ZNF777: variants seen among roughly 807,000 people sequenced by gnomAD.
ZNF777 encodes zinc finger protein 777.
ZNF777 carries 7 observed loss-of-function variants against 72.1 expected under a neutral mutation model. The observed-to-expected ratio is 0.10, with a 90% CI of 0.06 to 0.18. The LOEUF (loss-of-function observed/expected upper bound fraction) is 0.18, where lower values mean the gene tolerates loss of function less well. ZNF777 is among the 10% of genes least tolerant of loss of function. ZNF777 has a pLI of 1.00. For synonymous variants in ZNF777, 545 were observed against 483.5 expected, an observed-to-expected ratio of 1.13 and a Z score of -1.67; for missense variants, 828 against 1,128.6, an observed-to-expected ratio of 0.73 and a Z score of 3.82.
At chr7:149,440,787 G>A (rs901637394) in intron 4 of ZNF777, among the ~76,000 whole-genome samples, 1 of 151,308 alleles carries the variant, frequency 6.6e-6, no homozygotes, top group Non-Finnish European at 1.5e-5. Flanking sequence ...GATGGACTAA[G>A]GACTGGAAAT....
intron 1 of ZNF777, among the ~76,000 whole-genome samples, chr7:149,458,032 C>T (rs1799866317): frequency 6.6e-6 from 1 of 152,086 alleles, no homozygotes; most frequent in Non-Finnish European, 1.5e-5. Context: ...AATCCCGAGG[C>T]CTGGATATTA....
At position 149,452,710 on chromosome 7, in the gene ZNF777, T is replaced by C. The variant is rs142304630; in HGVS notation, c.973+1401A>G. Among the ~76,000 whole-genome samples, 100 of 151,434 alleles carry C rather than the reference T, an allele frequency of 6.6e-4. 1 individual carries two copies. Among genetic ancestry groups the C allele is most frequent in the African/African-American group, 2.3e-3 (95 of 41,242 alleles). ...CTATAAAAAAGGCTAATATTTAAAA[T>C]AGAAGAACATCAGCTCAGGCCAGGG... On this transcript the variant is annotated intron_variant, in intron 3 of 5. Coordinates refer to ENST00000247930, the MANE Select transcript of ZNF777 (RefSeq NM_015694.3).
At chr7:149,443,183 C>T (rs538259656) in intron 4 of ZNF777, among the ~76,000 whole-genome samples, 89 of 152,100 alleles carry the variant, frequency 5.9e-4, no homozygotes, top group Admixed American at 1.8e-3. Context: ...GAAATCAATA[C>T]ACAGAATACT....
intron 5 of ZNF777, among the ~76,000 whole-genome samples, chr7:149,434,849 A>G (rs924950342): frequency 5.3e-5 from 8 of 152,222 alleles, no homozygotes; most frequent in South Asian, 2.1e-4. Flanking sequence ...CAGCTTCCCA[A>G]ACTGCTGGGA....
intron 4 of ZNF777, among the ~76,000 whole-genome samples, chr7:149,448,433 G>C (rs1484406809): frequency 6.9e-6 from 1 of 144,138 alleles, no homozygotes; most frequent in Non-Finnish European, 1.5e-5. Context: ...TCACGCCACT[G>C]CACTCCAGCC....
chr7:149,431,734 CG>C lies in ZNF777; in HGVS notation c.*41del. The stretch of plus-strand genomic sequence containing the variant: ...GCCTGGCGGTGTCCGAGGGGGGGCA[CG>C]GCCCGCGCACCTGGCCGGGCGGCGG... On this transcript the variant is annotated 3_prime_UTR_variant, in exon 6 of 6. Coordinates refer to ENST00000247930, the MANE Select transcript of ZNF777 (RefSeq NM_015694.3). The C allele has an allele frequency of 7.6e-7, 1 of 1,308,082 alleles. No individual in the cohort carries two copies. The allele number at this position is 1,308,082 out of a possible 1,614,324, so 81.0% of individuals were successfully genotyped here. A position where few individuals can be genotyped will look rare whatever the true frequency, so the allele number is the denominator to read the frequency against.
At chr7:149,442,827 C>A (rs1173825856) in intron 4 of ZNF777, among the ~76,000 whole-genome samples, 1 of 152,016 alleles carries the variant, frequency 6.6e-6, no homozygotes. Flanking sequence ...TCAACATCAC[C>A]CTTATGGAAA....
intron 4 of ZNF777, among the ~76,000 whole-genome samples, chr7:149,439,614 T>C (rs187513704): frequency 1.3e-5 from 2 of 152,342 alleles, no homozygotes; most frequent in Non-Finnish European, 2.9e-5. Context: ...TCTATTTCTA[T>C]TCCCACTTTG....
At chr7:149,440,932 C>A (rs1383837365) in intron 4 of ZNF777, among the ~76,000 whole-genome samples, 3 of 152,074 alleles carry the variant, frequency 2.0e-5, no homozygotes, top group African/African-American at 7.2e-5. Context: ...GGGTGTCCAC[C>A]ACTCCATCAA....
At chr7:149,451,855 T>C (rs1370339549) in intron 3 of ZNF777, among the ~76,000 whole-genome samples, 4 of 152,340 alleles carry the variant, frequency 2.6e-5, no homozygotes, top group Non-Finnish European at 4.4e-5. Flanking sequence ...GTTTGACATA[T>C]GGCAAAGGGT....
Position 149,431,755 on chromosome 7 carries a change from C to G in ZNF777, c.*21G>C. On this transcript the variant is annotated 3_prime_UTR_variant, in exon 6 of 6. Coordinates refer to ENST00000247930, the MANE Select transcript of ZNF777 (RefSeq NM_015694.3). Reference sequence around the variant, plus strand: ...GGCACGGCCCGCGCACCTGGCCGGGCGGCGGCGGCGGGGCGCGCGCTCACT... The same window carrying G: ...GGCACGGCCCGCGCACCTGGCCGGGGGGCGGCGGCGGGGCGCGCGCTCACT... 7.2e-7 allele frequency: 1 copy of G among 1,391,340 alleles called. No individual in the cohort carries two copies. The highest frequency in any genetic ancestry group is 9.3e-7 in the Non-Finnish European group (1 of 1,076,750). 86.2% of individuals were successfully genotyped at this position (1,391,340 alleles called of 1,614,324 possible).
chr7:149,431,921 C>G lies in ZNF777; in HGVS notation c.2351G>C (p.Gly784Ala). Residue 784 changes from glycine (G) to alanine (A), a missense_variant, in exon 6 of 6, where the codon GGC becomes GCC. Gly to Ala is a moderately conservative substitution (Grantham distance 60, BLOSUM62 0). This residue lies in a region of ZNF777 where 49 missense variants were observed against 135.8 expected (regional missense o/e 0.36). Coordinates refer to ENST00000247930, the MANE Select transcript of ZNF777 (RefSeq NM_015694.3). ...GTGATGCTTCTGCGTGAAGCGCTTGCCGCACTCGGCGCAGTGGTAGGGCCG... is the reference window on the plus strand; with the variant it reads ...GTGATGCTTCTGCGTGAAGCGCTTGGCGCACTCGGCGCAGTGGTAGGGCCG... ...GERPYHCAEC[G>A]KRFTQKHHLL... 6.2e-7 allele frequency: 1 copy of G among 1,606,130 alleles called. No individual in the cohort carries two copies. The highest frequency in any genetic ancestry group is 8.5e-7 in the Non-Finnish European group (1 of 1,178,038).
In ZNF777 at chr7:149,455,201, G is replaced by A. The variant is rs751041055; in HGVS notation, c.822C>T (p.Pro274=). The A allele has an allele frequency of 7.1e-5, 115 of 1,612,974 alleles. 1 individual carries two copies. The East Asian group carries it at 1.2e-3, about 18-fold the overall frequency. The change falls in exon 2 of 6, where the codon CCC becomes CCT. Residue 274 remains proline, a synonymous_variant. Transcript: ENST00000247930. This position sits in a 1 kb window ranked among gnomAD's most constrained non-coding sequence, Gnocchi z 4.2. The part of the protein sequence containing the change: ...NRNFWILRLP[P]GSNGEVPKVP... ...CCTTGGGAACTTCTCCATTGCTGCC[G>A]GGGGGCAGCCGCAGGATCCAGAAAT...
rs960389840 is a variant in ZNF777 at position 149,455,912 on chromosome 7, A to T, written c.111T>A (p.Val37=). 6.2e-7 allele frequency: 1 copy of T among 1,612,628 alleles called. No homozygotes were observed. The highest frequency in any genetic ancestry group is 1.3e-5 in the African/African-American group (1 of 74,450). The part of the protein sequence containing the change: ...LPRETLFQSR[V]LPPKEIPSLS... ...AAGAAGGAATTTCTTTGGGAGGAAG[A>T]ACGCGGGATTGGAACAGAGTTTCTC... is the stretch of plus-strand genomic sequence containing the variant. Residue 37 remains valine (V), a synonymous_variant, in exon 2 of 6, where the codon GTT becomes GTA. Transcript: ENST00000247930. The surrounding 1 kb of genome is among the most constrained non-coding windows in gnomAD (Gnocchi z 4.2).
intron 1 of ZNF777, among the ~76,000 whole-genome samples, chr7:149,457,557 A>C (rs994566780): frequency 6.6e-6 from 1 of 152,242 alleles, no homozygotes; most frequent in African/African-American, 2.4e-5. Flanking sequence ...ACTTATCTAA[A>C]GCAATTCCAT....
chr7:149,446,530 A>G (rs1799606117), intron 4 of ZNF777, among the ~76,000 whole-genome samples: 1 of 152,234 alleles, frequency 6.6e-6, no homozygotes, highest in Admixed American at 6.5e-5. Context: ...AAAAACATAG[A>G]GAAATATGGC....
chr7:149,441,454 C>T (rs1799513216), intron 4 of ZNF777, among the ~76,000 whole-genome samples: 1 of 152,200 alleles, frequency 6.6e-6, no homozygotes, highest in South Asian at 2.1e-4. Context: ...CCCTATGGCA[C>T]TTCAGATATT....
At chr7:149,454,280 G>A (rs1430887185) in intron 2 of ZNF777, 43 bp from the exon 3 acceptor site, 3 of 1,612,034 alleles carry the variant, frequency 1.9e-6, no homozygotes, top group East Asian at 4.5e-5. Flanking sequence ...CTGGAAGGCA[G>A]TGACAGGCCC....
At chr7:149,450,916 T>C in intron 4 of ZNF777, 83 bp downstream of exon 4, 1 of 1,264,266 alleles carries the variant, frequency 7.9e-7, no homozygotes, top group Non-Finnish European at 1.1e-6. Flanking sequence ...GGGCCTACCT[T>C]GGATTGTGCT....
Sources: allele counts gnomAD v4.1 joint callset (sites outside exome capture counted in the v4.1 genomes callset), GRCh38; gene constraint gnomAD v4.1.1; regional missense constraint gnomAD v4.1.1; non-coding constraint Gnocchi (gnomAD v3.1); transcripts MANE v1.5; gene names NCBI Gene and HGNC (gene_info 2026-07-23, HGNC 2026-07-21).